The following CASP8 variants were observed in gnomAD, a reference collection of about 807,000 sequenced individuals.
CASP8 encodes the protein caspase-8.
A neutral mutation model predicts 46.3 loss-of-function variants in CASP8; 24 were observed. The observed-to-expected ratio is 0.52, with a 90% CI of 0.38 to 0.73. CASP8 has a LOEUF of 0.73. Ranked by LOEUF, CASP8 falls within the 30% of genes least tolerant of loss-of-function variation. The pLI, the probability that CASP8 is intolerant of heterozygous loss-of-function variation, is 0.00. For missense variants in CASP8, 460 were observed against 559.0 expected (o/e 0.82, Z 1.79); for synonymous variants, 188 against 200.4 (o/e 0.94, Z 0.52).
chr2:201,277,667 A>G (rs946814317), intron 7 of CASP8: 2 of 424,598 alleles, frequency 4.7e-6, no homozygotes, highest in African/African-American at 2.1e-5. Flanking sequence ...TAGACTGATT[A>G]TAATCATCAG....
chr2:201,278,540 C>CTTT (rs768024144), intron 7 of CASP8, among the ~76,000 whole-genome samples: 3 of 143,228 alleles, frequency 2.1e-5, no homozygotes, highest in African/African-American at 2.5e-5. Context: ...TGTATTTTTT[C>CTTT]TTTTTTTTTT....
chr2:201,254,138 G>A (rs919938057), intron 2 of CASP8, among the ~76,000 whole-genome samples: 1 of 151,638 alleles, frequency 6.6e-6, no homozygotes, highest in Non-Finnish European at 1.5e-5. Flanking sequence ...ATTGGAATCA[G>A]AGTCTAACAA....
chr2:201,234,348 T>C (rs955175255), intron 2 of CASP8, among the ~76,000 whole-genome samples: 2 of 152,196 alleles, frequency 1.3e-5, no homozygotes, highest in East Asian at 1.9e-4. Context: ...TGTCTTCCTA[T>C]AGTGCGGGAC....
intron 5 of CASP8, 101 bp from the exon 6 acceptor site, chr2:201,274,788 C>A (rs1243149000): frequency 2.1e-6 from 2 of 970,634 alleles, no homozygotes; most frequent in Admixed American, 2.1e-5. Flanking sequence ...GAATTTTCAT[C>A]TTAAAAAAGA....
At chr2:201,254,628 G>C (rs745396976) in intron 2 of CASP8, among the ~76,000 whole-genome samples, 1 of 152,180 alleles carries the variant, frequency 6.6e-6, no homozygotes, top group Admixed American at 6.5e-5. Context: ...ATCTTTGAAG[G>C]GTGTCACATC....
rs1224509970 is a variant in CASP8, at chr2:201,272,691, A to G, written c.465A>G (p.Gly155=). The G allele has an allele frequency of 2.5e-6, 4 of 1,614,012 alleles. No homozygotes were observed. Among genetic ancestry groups the G allele is most frequent in the Non-Finnish European group, 3.4e-6 (4 of 1,179,972 alleles). The part of the protein sequence containing the change: ...EMEKRVILGE[G]KLDILKRVCA... Reference sequence around the variant, plus strand: ...AGAAGAGGGTCATCCTGGGAGAAGGAAAGTTGGACATCCTGAAAAGAGTCT... The same window carrying G: ...AGAAGAGGGTCATCCTGGGAGAAGGGAAGTTGGACATCCTGAAAAGAGTCT... The change falls in exon 4 of 9, where the codon GGA becomes GGG. Residue 155 remains glycine (G), a synonymous_variant. Transcript: ENST00000673742. This position sits in a 1 kb window ranked among gnomAD's most constrained non-coding sequence, Gnocchi z 4.4.
intron 6 of CASP8, among the ~76,000 whole-genome samples, chr2:201,276,358 AG>A (rs1948631436): frequency 6.6e-6 from 1 of 152,218 alleles, no homozygotes; most frequent in Non-Finnish European, 1.5e-5. Context: ...GGAGACCCTC[AG>A]CTGTTAGCCA....
At chr2:201,246,368 G>A (rs1247298230) in intron 2 of CASP8, among the ~76,000 whole-genome samples, 2 of 152,066 alleles carry the variant, frequency 1.3e-5, no homozygotes, top group Non-Finnish European at 2.9e-5. Context: ...AGGGTATTTA[G>A]GTGTCCTTAG....
At chr2:201,274,811 C>A in intron 5 of CASP8, 78 bp from the exon 6 acceptor site, 1 of 1,098,496 alleles carries the variant, frequency 9.1e-7, no homozygotes, top group Non-Finnish European at 1.4e-6. Context: ...TTATGTTGTC[C>A]TATGTGCTAC....
intron 2 of CASP8, among the ~76,000 whole-genome samples, chr2:201,243,531 G>A (rs1946386826): frequency 6.6e-6 from 1 of 152,124 alleles, no homozygotes; most frequent in Non-Finnish European, 1.5e-5. Context: ...ATTTCTTTTT[G>A]ATAATTTAAT....
At chr2:201,235,278 G>A (rs1402056639) in intron 2 of CASP8, among the ~76,000 whole-genome samples, 4 of 151,590 alleles carry the variant, frequency 2.6e-5, no homozygotes, top group Admixed American at 2.6e-4. Context: ...TCAGTGTTTC[G>A]GTGTTCTTAT....
intron 2 of CASP8, among the ~76,000 whole-genome samples, chr2:201,245,785 G>T (rs942237400): frequency 6.6e-6 from 1 of 152,186 alleles, no homozygotes; most frequent in Non-Finnish European, 1.5e-5. Context: ...TCCCTGCTGG[G>T]CTTCCGCTTT....
chr2:201,243,814 G>A (rs768585025), intron 2 of CASP8, among the ~76,000 whole-genome samples: 1 of 152,184 alleles, frequency 6.6e-6, no homozygotes, highest in Non-Finnish European at 1.5e-5. Context: ...TACAGGAGGC[G>A]ATGGGCTGAG....
chr2:201,258,269 G>C (rs1219836548), upstream of CASP8: 1 of 1,613,914 alleles, frequency 6.2e-7, no homozygotes, highest in East Asian at 2.2e-5. Flanking sequence ...GTTATTGAAA[G>C]TAAAAGAAAC....
Position 201,286,684 on chromosome 2 carries a change from C to G in CASP8, c.*90C>G. Reference sequence around the variant, plus strand: ...AGGCTGGAGTGCAGTGGCGTGATCTCGGCTCACCGCAAGCTCCGCCTCCCG... The same window carrying G: ...AGGCTGGAGTGCAGTGGCGTGATCTGGGCTCACCGCAAGCTCCGCCTCCCG... On this transcript the variant is annotated 3_prime_UTR_variant, in exon 9 of 9. Transcript: ENST00000673742. 1 of 1,128,274 alleles carries G rather than the reference C, an allele frequency of 8.9e-7. No homozygotes were observed. The highest frequency in any genetic ancestry group is 1.5e-5 in the African/African-American group (1 of 64,956). 69.9% of individuals were successfully genotyped at this position (1,128,274 alleles called of 1,614,324 possible).
chr2:201,259,779 G>T (rs6735656), upstream of CASP8, among the ~76,000 whole-genome samples: 110,585 of 151,816 alleles, frequency 0.73, 40,616 homozygotes, highest in South Asian at 0.83. Context: ...GGTAAACCCA[G>T]CTTTCAGCTA....
Position 201,285,160 on chromosome 2 carries a change from A to G in CASP8, c.1147A>G (p.Met383Val), listed in dbSNP as rs1311575497. The G allele has an allele frequency of 6.2e-7, 1 of 1,614,174 alleles. No individual in the cohort carries two copies. Among genetic ancestry groups the G allele is most frequent in the African/African-American group, 1.3e-5 (1 of 75,046 alleles). ...TDSEEQPYLEMDLSSPQTRYI... is the reference protein window; with the variant it reads ...TDSEEQPYLEVDLSSPQTRYI... ...TTCAGAGGAGCAACCCTATTTAGAA[A>G]TGGATTTATCATCACCTCAAACGAG... is the stretch of plus-strand genomic sequence containing the variant. Residue 383 changes from methionine to valine, a missense_variant, in exon 8 of 9, where the codon ATG becomes GTG. Transcript: ENST00000673742.
intron 1 of CASP8, among the ~76,000 whole-genome samples, chr2:201,263,434 C>G (rs1420184822): frequency 6.6e-6 from 1 of 152,008 alleles, no homozygotes; most frequent in Non-Finnish European, 1.5e-5. Flanking sequence ...GATGTACTTA[C>G]CAGTGGAAAA....
intron 2 of CASP8, among the ~76,000 whole-genome samples, chr2:201,268,534 A>G (rs918999658): frequency 6.6e-6 from 1 of 151,612 alleles, no homozygotes; most frequent in Non-Finnish European, 1.5e-5. Flanking sequence ...CTGGGCAACA[A>G]GAGTGAAACT....
Sources: allele counts gnomAD v4.1 joint callset (sites outside exome capture counted in the v4.1 genomes callset), GRCh38; gene constraint gnomAD v4.1.1; non-coding constraint Gnocchi (gnomAD v3.1); transcripts MANE v1.5; gene names NCBI Gene and HGNC (gene_info 2026-07-23, HGNC 2026-07-21).